SIMC1: variants seen among roughly 807,000 people sequenced by gnomAD.
SIMC1 encodes the protein SUMO-interacting motif-containing protein 1.
SIMC1 carries 55 observed loss-of-function variants against 82.3 expected under a neutral mutation model. The ratio of observed to expected loss-of-function variants is 0.67; its 90% CI spans 0.54 to 0.84. The LOEUF is 0.84. SIMC1 is among the 40% of genes least tolerant of loss of function. The pLI is 0.00. For missense variants in SIMC1, 915 were observed against 1,107.2 expected (o/e 0.83, Z 2.46); for synonymous variants, 353 against 426.3 (o/e 0.83, Z 2.12).
At chr5:176,250,662 A>G (rs147260052) in intron 1 of SIMC1, among the ~76,000 whole-genome samples, 139 of 152,312 alleles carry the variant, frequency 9.1e-4, no homozygotes, top group African/African-American at 2.8e-3. Flanking sequence ...GGGTGCATAT[A>G]TATTTAGGAT....
intron 7 of SIMC1, among the ~76,000 whole-genome samples, chr5:176,335,151 A>C (rs1765833324): frequency 6.6e-6 from 1 of 151,888 alleles, no homozygotes. Context: ...TAAGTTCTCT[A>C]ATGCCTGAAA....
chr5:176,306,382 C>T (rs1291838611), intron 4 of SIMC1, among the ~76,000 whole-genome samples: 1 of 126,210 alleles, frequency 7.9e-6, no homozygotes, highest in Non-Finnish European at 1.9e-5. Context: ...AGGAGCCCCT[C>T]TGCCCGACCA....
chr5:176,251,112 A>G (rs1485355945), intron 1 of SIMC1, among the ~76,000 whole-genome samples: 2 of 152,170 alleles, frequency 1.3e-5, no homozygotes, highest in African/African-American at 4.8e-5. Flanking sequence ...CTACAATCTC[A>G]GCACTTTGGG....
At chr5:176,274,546 T>C (rs1005388619) in intron 1 of SIMC1, among the ~76,000 whole-genome samples, 3 of 151,898 alleles carry the variant, frequency 2.0e-5, no homozygotes, top group Non-Finnish European at 2.9e-5. Flanking sequence ...TTTGTTGCCA[T>C]TGCTTTTGGT....
At position 176,288,657 on chromosome 5, in the gene SIMC1, A is replaced by G. The variant is rs2560193; in HGVS notation, c.130-997A>G. On this transcript the variant is annotated intron_variant, in intron 1 of 9. Transcript: ENST00000429602. ...AAGCAATCCCTATTCCAGGATGCCA[A>G]CTTCTCACTTGACCCACTCAGAATT... Among the ~76,000 whole-genome samples, 186 of 152,116 alleles carry G rather than the reference A, an allele frequency of 1.2e-3. No individual in the cohort carries two copies. The Middle Eastern group carries it at 0.017, about 14-fold the overall frequency.
intron 1 of SIMC1, among the ~76,000 whole-genome samples, chr5:176,280,794 A>G (rs2113221004): frequency 6.6e-6 from 1 of 152,292 alleles, no homozygotes; most frequent in East Asian, 1.9e-4. Context: ...TTCTCCCAAG[A>G]GATCCGCTGT....
intron 1 of SIMC1, among the ~76,000 whole-genome samples, chr5:176,284,620 GAAGC>G (rs1763182019): frequency 6.6e-6 from 1 of 152,108 alleles, no homozygotes; most frequent in African/African-American, 2.4e-5. Flanking sequence ...AAGAACTACA[GAAGC>G]AAGAGCAACC....
chr5:176,262,812 G>T (rs554466008), intron 1 of SIMC1, among the ~76,000 whole-genome samples: 5 of 151,834 alleles, frequency 3.3e-5, no homozygotes, highest in African/African-American at 4.8e-5. Flanking sequence ...CTCAAAAAAA[G>T]AAAAAGTATG....
Position 176,287,886 on chromosome 5 carries a change from G to A in SIMC1, c.130-1768G>A, listed in dbSNP as rs1319527560. Among the ~76,000 whole-genome samples the A allele has an allele frequency of 1.3e-5, 2 of 152,110 alleles. 1 individual carries two copies. Among genetic ancestry groups the A allele is most frequent in the Admixed American group, 1.3e-4 (2 of 15,270 alleles). On this transcript the variant is annotated intron_variant, in intron 1 of 9. Transcript: ENST00000429602. Reference sequence around the variant, plus strand: ...CTATTTTCAATATCATTAAATTCTTGAGGATAGAGAGAGAGGTTTGCATAG... The same window carrying A: ...CTATTTTCAATATCATTAAATTCTTAAGGATAGAGAGAGAGGTTTGCATAG...
chr5:176,251,384 C>T (rs1761646042), intron 1 of SIMC1, among the ~76,000 whole-genome samples: 1 of 152,100 alleles, frequency 6.6e-6, no homozygotes, highest in South Asian at 2.1e-4. Context: ...AAAACAAAAA[C>T]AATTTGGTAT....
chr5:176,340,313 C>T (rs898862417), intron 9 of SIMC1, among the ~76,000 whole-genome samples: 5 of 152,178 alleles, frequency 3.3e-5, no homozygotes, highest in African/African-American at 1.2e-4. Context: ...AATCAATCCC[C>T]CCCACCCCAG....
chr5:176,299,769 A>G (rs749355922), intron 4 of SIMC1, among the ~76,000 whole-genome samples: 2 of 152,090 alleles, frequency 1.3e-5, no homozygotes, highest in Non-Finnish European at 2.9e-5. Flanking sequence ...ACAATACTAT[A>G]GGCCACTTAA....
Position 176,268,459 on chromosome 5 carries a change from T to TA in SIMC1, c.130-21194dup, listed in dbSNP as rs541926738. 2.3e-3 allele frequency among the ~76,000 whole-genome samples: 306 copies of TA among 131,904 alleles called. 2 individuals carry two copies. Among genetic ancestry groups the TA allele is most frequent in the African/African-American group, 8.3e-3 (289 of 34,738 alleles). 86.5% of individuals were successfully genotyped at this position (131,904 alleles called of 152,430 possible). On this transcript the variant is annotated intron_variant, in intron 1 of 9. Coordinates refer to ENST00000429602, the MANE Select transcript of SIMC1 (RefSeq NM_001308195.2). ...GACATTCTACATATAAAGATGCAAATACACTGAGAGTAAAAGGATAGAAAG... is the reference window on the plus strand; with the variant it reads ...GACATTCTACATATAAAGATGCAAATAACACTGAGAGTAAAAGGATAGAAAG...
At chr5:176,303,018 A>C (rs1764108082) in intron 4 of SIMC1, among the ~76,000 whole-genome samples, 1 of 152,168 alleles carries the variant, frequency 6.6e-6, no homozygotes, top group African/African-American at 2.4e-5. Flanking sequence ...TCAAAATCCC[A>C]ACAGCATTTC....
Position 176,267,923 on chromosome 5 carries a change from ATT to A in SIMC1, c.130-21725_130-21724del, listed in dbSNP as rs575325280. Among the ~76,000 whole-genome samples the A allele has an allele frequency of 3.8e-4, 57 of 149,744 alleles. No individual in the cohort carries two copies. The South Asian group carries it at 0.012, about 32-fold the overall frequency. On this transcript the variant is annotated intron_variant, in intron 1 of 9. Transcript: ENST00000429602. ...AGGTGCGCACCATCACGCCAGCCAGATTTTTTTGTAGGGATGGAGTTTCACCA... is the reference window on the plus strand; with the variant it reads ...AGGTGCGCACCATCACGCCAGCCAGATTTTTGTAGGGATGGAGTTTCACCA...
At chr5:176,324,489 C>A in intron 6 of SIMC1, 140 bp from the exon 7 acceptor site, 1 of 748,164 alleles carries the variant, frequency 1.3e-6, no homozygotes, top group African/African-American at 1.8e-5. Flanking sequence ...TTGAGTAGTT[C>A]TCCCTGACCT....
At position 176,345,429 on chromosome 5, in the gene SIMC1, GCTGGAGCGGCTCCTGAGGGC is replaced by G. The variant is rs761024406; in HGVS notation, c.2664_*7del. ...CCTGATGCAGAGCCCTTTCAAAAGG[GCTGGAGCGGCTCCTGAGGGC>G]CTGCCAAGCACTGAATGCCAAGAAT... On this transcript the variant is annotated stop_lost and 3_prime_UTR_variant, in exon 10 of 10. Transcript: ENST00000429602. 8 of 1,613,012 alleles carry G rather than the reference GCTGGAGCGGCTCCTGAGGGC, an allele frequency of 5.0e-6. No individual in the cohort carries two copies. The African/African-American group carries it at 8.0e-5, about 16-fold the overall frequency.
intron 4 of SIMC1, among the ~76,000 whole-genome samples, chr5:176,304,913 C>A (rs1446200664): frequency 7.2e-6 from 1 of 139,288 alleles, no homozygotes; most frequent in Non-Finnish European, 1.6e-5. Flanking sequence ...CTCTGCCCGG[C>A]CGCCCCGTCT....
intron 1 of SIMC1, among the ~76,000 whole-genome samples, chr5:176,263,792 TAACTC>T (rs1762095316): frequency 6.6e-6 from 1 of 152,208 alleles, no homozygotes; most frequent in African/African-American, 2.4e-5. Context: ...CCAAAAGTCT[TAACTC>T]ATTCCACTAT....
Sources: gnomAD v4.1 joint callset for allele counts (sites outside exome capture counted in the v4.1 genomes callset) on GRCh38, gnomAD v4.1.1 for gene constraint, MANE v1.5 for transcripts, NCBI Gene and HGNC (gene_info 2026-07-23, HGNC 2026-07-21) for gene names.